Variants in BCORL1 observed in about 807,000 individuals in gnomAD.
The protein encoded by BCORL1 is BCL6 corepressor like 1.
BCORL1 carries 7 observed loss-of-function variants against 87.6 expected under a neutral mutation model. The ratio of observed to expected loss-of-function variants is 0.08; its 90% CI spans 0.05 to 0.15. The LOEUF is 0.15. BCORL1 is among the 10% of genes least tolerant of loss of function. BCORL1 has a pLI of 1.00. For missense variants in BCORL1, 1,215 were observed against 1,499.7 expected (o/e 0.81, Z 3.13); for synonymous variants, 591 against 634.4 (o/e 0.93, Z 1.03).
chrX:130,001,495 G>A (rs1211728174), intron 1 of BCORL1, among the ~76,000 whole-genome samples: 2 of 111,906 alleles, frequency 1.8e-5, no homozygotes, highest in African/African-American at 6.5e-5. Flanking sequence ...TGCTGTGGAA[G>A]AGGTAGGGAG....
rs1932093218 is a variant in BCORL1, at chrX:130,051,873, G to A, written c.4932G>A (p.Gly1644=). ...YSSSVLEEKD[G]FACDLLHNPP... is the part of the protein sequence containing the mutation. ...CTCCCCTTACAGAGGAAAAAGACGGGTTTGCCTGTGACCTCCTACATAATC... is the reference window on the plus strand; with the variant it reads ...CTCCCCTTACAGAGGAAAAAGACGGATTTGCCTGTGACCTCCTACATAATC... Residue 1644 remains glycine (G), a synonymous_variant, in exon 13 of 14, where the codon GGG becomes GGA. Coordinates refer to ENST00000540052, the MANE Select transcript of BCORL1 (RefSeq NM_001379451.1). 8.3e-7 allele frequency: 1 copy of A among 1,198,717 alleles called. No homozygotes were observed. The highest frequency in any genetic ancestry group is 1.1e-6 in the Non-Finnish European group (1 of 888,772).
intron 2 of BCORL1, among the ~76,000 whole-genome samples, chrX:130,009,230 C>T (rs1394291405): frequency 9.0e-6 from 1 of 110,762 alleles, no homozygotes; most frequent in Non-Finnish European, 1.9e-5. Context: ...TTTGGGAGGC[C>T]GAGGCAGGTG....
intron 1 of BCORL1, among the ~76,000 whole-genome samples, chrX:130,002,899 AG>A (rs1254131607): frequency 1.8e-5 from 2 of 110,247 alleles, no homozygotes; most frequent in Non-Finnish European, 3.8e-5. Flanking sequence ...GGGAAAGGCC[AG>A]GCCCCAGTGA....
intron 1 of BCORL1, among the ~76,000 whole-genome samples, chrX:129,990,157 T>C (rs191210103): frequency 3.7e-4 from 41 of 112,073 alleles, no homozygotes; most frequent in African/African-American, 1.2e-3. Flanking sequence ...CACAGGGCTG[T>C]GAGGATTACA....
intron 1 of BCORL1, among the ~76,000 whole-genome samples, chrX:129,997,574 G>A (rs73567688): frequency 0.11 from 12,290 of 108,948 alleles, 1,743 homozygotes; most frequent in African/African-American, 0.39. Context: ...TGGGCGGATC[G>A]GAAGGTCAGG....
intron 1 of BCORL1, among the ~76,000 whole-genome samples, chrX:129,997,699 G>C (rs1486257221): frequency 9.4e-6 from 1 of 106,071 alleles, no homozygotes; most frequent in Non-Finnish European, 1.9e-5. Flanking sequence ...GGCTGAGACA[G>C]GAGAATCGCT....
At position 130,049,642 on chromosome X, in the gene BCORL1, G is replaced by A. The variant is rs757453860; in HGVS notation, c.4841-1075G>A. Among the ~76,000 whole-genome samples, 15 of 112,535 alleles carry A rather than the reference G, an allele frequency of 1.3e-4. No individual in the cohort carries two copies. The South Asian group carries it at 4.7e-3, about 35-fold the overall frequency. ...CAAGGTGTTGGGATTACAGGCGTGC[G>A]CCACTGTGCCCGGCCTCATGTGTAA... On this transcript the variant is annotated intron_variant, in intron 11 of 13. Coordinates refer to ENST00000540052, the MANE Select transcript of BCORL1 (RefSeq NM_001379451.1).
Position 130,014,753 on chromosome X carries a change from G to C in BCORL1, c.1981G>C (p.Val661Leu). 3 of 1,211,401 alleles carry C rather than the reference G, an allele frequency of 2.5e-6. No homozygotes were observed. The highest frequency in any genetic ancestry group is 3.4e-6 in the Non-Finnish European group (3 of 895,396). The change falls in exon 4 of 14, where the codon GTC becomes CTC. Residue 661 changes from valine to leucine, a missense_variant. This residue lies in a region of BCORL1 where 861 missense variants were observed against 1,010.0 expected (regional missense o/e 0.85). Transcript: ENST00000540052. ...HTSSKALLST[V>L]LSRSQRTTQA... is the part of the protein sequence containing the mutation. ...CAGCAGCAAGGCCCTCCTCTCCACA[G>C]TCCTGTCTAGGTCTCAGCGCACAAC... is the stretch of plus-strand genomic sequence containing the variant.
intron 1 of BCORL1, among the ~76,000 whole-genome samples, chrX:130,002,282 T>A (rs1269639604): frequency 4.5e-5 from 5 of 110,224 alleles, no homozygotes. Flanking sequence ...CTGGAAATTC[T>A]GGTCTGGGCC....
At chrX:129,984,124 GGGCT>G (rs1926377543) in intron 1 of BCORL1, among the ~76,000 whole-genome samples, 1 of 42,988 alleles carries the variant, frequency 2.3e-5, no homozygotes, top group East Asian at 7.4e-4. Context: ...GCGGGGCGTG[GGGCT>G]CCGGCGGGCG....
At chrX:129,987,383 C>T (rs1481260310) in intron 1 of BCORL1, among the ~76,000 whole-genome samples, 1 of 111,978 alleles carries the variant, frequency 8.9e-6, no homozygotes, top group African/African-American at 3.2e-5. Flanking sequence ...CTTTTGGAGC[C>T]GGTGTTAGGG....
intron 9 of BCORL1, among the ~76,000 whole-genome samples, chrX:130,036,541 G>A (rs961409380): frequency 8.9e-6 from 1 of 112,757 alleles, no homozygotes; most frequent in African/African-American, 3.2e-5. Context: ...GATTACAGGC[G>A]TGAGCCACTG....
At chrX:130,048,346 T>G (rs1931878734) in intron 11 of BCORL1, among the ~76,000 whole-genome samples, 1 of 112,038 alleles carries the variant, frequency 8.9e-6, no homozygotes. Flanking sequence ...CCTGTGCCCT[T>G]TGGACTGTCT....
At chrX:130,046,836 G>A (rs953398326) in intron 11 of BCORL1, among the ~76,000 whole-genome samples, 20 of 110,740 alleles carry the variant, frequency 1.8e-4, no homozygotes, top group Non-Finnish European at 2.5e-4. Context: ...GTGAGCCACC[G>A]CGCCCAGCCT....
At chrX:130,031,009 C>T (rs1229648282) in intron 8 of BCORL1, among the ~76,000 whole-genome samples, 1 of 112,790 alleles carries the variant, frequency 8.9e-6, no homozygotes. Flanking sequence ...GGGGCACTGG[C>T]CAAGGGCTTC....
intron 1 of BCORL1, among the ~76,000 whole-genome samples, chrX:129,988,236 A>C (rs1035826766): frequency 8.9e-6 from 1 of 111,821 alleles, no homozygotes; most frequent in Non-Finnish European, 1.9e-5. Flanking sequence ...TAATGTAGAA[A>C]TGGTTCTTTT....
intron 11 of BCORL1, among the ~76,000 whole-genome samples, chrX:130,047,740 A>C (rs1162838742): frequency 9.0e-6 from 1 of 110,569 alleles, no homozygotes; most frequent in Non-Finnish European, 1.9e-5. Flanking sequence ...CCTTGTAGGA[A>C]TTCCTCCCTC....
intron 7 of BCORL1, among the ~76,000 whole-genome samples, chrX:130,027,504 C>T (rs748295890): frequency 2.7e-5 from 3 of 112,163 alleles, no homozygotes; most frequent in Non-Finnish European, 5.6e-5. Context: ...TGTGAGAGCC[C>T]GTGTCAGGGT....
chrX:129,991,867 T>C (rs1198941132), intron 1 of BCORL1, among the ~76,000 whole-genome samples: 8 of 101,796 alleles, frequency 7.9e-5, no homozygotes, highest in African/African-American at 2.9e-4. Context: ...GGTTTCACCA[T>C]GTTGGTCAGG....
Sources: allele counts gnomAD v4.1 joint callset (sites outside exome capture counted in the v4.1 genomes callset), GRCh38; gene constraint gnomAD v4.1.1; regional missense constraint gnomAD v4.1.1; transcripts MANE v1.5; gene names NCBI Gene and HGNC (gene_info 2026-07-23, HGNC 2026-07-21).